The following CCNY variants were observed in gnomAD, a reference collection of about 807,000 sequenced individuals.
The protein encoded by CCNY is cyclin-Y.
A neutral mutation model predicts 42.8 loss-of-function variants in CCNY; 19 were observed. The observed-to-expected ratio is 0.44, with a 90% CI of 0.31 to 0.65. The LOEUF is 0.65. Among genes scored for constraint, CCNY ranks in the 30% least tolerant of loss-of-function variants. CCNY has a pLI of 0.07. For synonymous variants in CCNY, 165 were observed against 162.7 expected (o/e 1.01, Z -0.11); for missense variants, 370 against 437.3 (o/e 0.85, Z 1.37).
At chr10:35,557,741 G>A (rs1340859996) in intron 8 of CCNY, among the ~76,000 whole-genome samples, 6 of 152,150 alleles carry the variant, frequency 3.9e-5, no homozygotes, top group Admixed American at 3.9e-4. Flanking sequence ...TAGCAACAGA[G>A]CAAGACTCCA....
intron 7 of CCNY, among the ~76,000 whole-genome samples, chr10:35,535,736 G>A (rs1840873395): frequency 6.6e-6 from 1 of 152,094 alleles, no homozygotes. Flanking sequence ...AATTTACCTA[G>A]CGTTTACATT....
chr10:35,343,874 G>A (rs188803601), intron 1 of CCNY, among the ~76,000 whole-genome samples: 2 of 152,298 alleles, frequency 1.3e-5, no homozygotes, highest in East Asian at 3.9e-4. Context: ...GATTGACTTT[G>A]AGGAAACAGT....
intron 4 of CCNY, among the ~76,000 whole-genome samples, chr10:35,525,308 C>G (rs1328555390): frequency 6.6e-6 from 1 of 151,966 alleles, no homozygotes; most frequent in Admixed American, 6.6e-5. Flanking sequence ...TAAATATGTT[C>G]TCCAAAATTT....
intron 1 of CCNY, among the ~76,000 whole-genome samples, chr10:35,459,337 G>C (rs1267064025): frequency 1.3e-5 from 2 of 152,208 alleles, no homozygotes; most frequent in African/African-American, 4.8e-5. Context: ...ATGTGGCCCA[G>C]GAGTGCAGCC....
At chr10:35,535,031 G>GTGTGTGTATGTA (rs1161522057) in intron 7 of CCNY, among the ~76,000 whole-genome samples, 1 of 139,972 alleles carries the variant, frequency 7.1e-6, no homozygotes, top group Non-Finnish European at 1.6e-5. Flanking sequence ...GTGTGTGTGT[G>GTGTGTGTATGTA]TATGTATATA....
Position 35,387,784 on chromosome 10 carries a change from T to C in CCNY, c.154+50577T>C, listed in dbSNP as rs924141933. On this transcript the variant is annotated intron_variant, in intron 1 of 9. Transcript: ENST00000374704. Reference sequence around the variant, plus strand: ...TAGAATTAAGCATCTTCTTCCTGAGTGAACTCACTGCCAAGATCCACGTAA... The same window carrying C: ...TAGAATTAAGCATCTTCTTCCTGAGCGAACTCACTGCCAAGATCCACGTAA... 6.6e-5 allele frequency among the ~76,000 whole-genome samples: 10 copies of C among 152,204 alleles called. No homozygotes were observed. The East Asian group carries it at 1.9e-3, about 29-fold the overall frequency.
At chr10:35,327,513 A>G (rs1835893653) in intron 3 of CCNY, among the ~76,000 whole-genome samples, 1 of 152,224 alleles carries the variant, frequency 6.6e-6, no homozygotes, top group South Asian at 2.1e-4. Flanking sequence ...CAAATTTTAA[A>G]AAAATCAGTA....
chr10:35,356,240 A>T (rs1302805983), intron 1 of CCNY, among the ~76,000 whole-genome samples: 2 of 152,180 alleles, frequency 1.3e-5, no homozygotes, highest in Non-Finnish European at 2.9e-5. Flanking sequence ...CCACTTGCAT[A>T]GTTGGGTAGT....
At chr10:35,448,874 A>G (rs1453150359) in intron 1 of CCNY, among the ~76,000 whole-genome samples, 1 of 152,116 alleles carries the variant, frequency 6.6e-6, no homozygotes, top group Admixed American at 6.5e-5. Context: ...TATGGAGAGA[A>G]TGGACAATGG....
chr10:35,383,813 T>G (rs1837244688), intron 1 of CCNY, among the ~76,000 whole-genome samples: 1 of 152,164 alleles, frequency 6.6e-6, no homozygotes, highest in African/African-American at 2.4e-5. Context: ...GGACAGTACT[T>G]TTAGGTAGAA....
intron 1 of CCNY, among the ~76,000 whole-genome samples, chr10:35,431,356 C>T (rs2082015916): frequency 4.1e-5 from 1 of 24,524 alleles, no homozygotes; most frequent in African/African-American, 1.7e-4. Context: ...CACATCTTCC[C>T]CCCCTCCCCC....
intron 3 of CCNY, among the ~76,000 whole-genome samples, chr10:35,504,120 T>A (rs903550548): frequency 3.3e-5 from 5 of 152,216 alleles, no homozygotes; most frequent in South Asian, 2.1e-4. Context: ...AAGAACCCAC[T>A]TAGTACATGT....
chr10:35,466,805 C>T (rs1034931834), intron 1 of CCNY, among the ~76,000 whole-genome samples: 1 of 152,192 alleles, frequency 6.6e-6, no homozygotes, highest in Non-Finnish European at 1.5e-5. Flanking sequence ...CAGGGTCTCG[C>T]TCTGTCACCC....
At chr10:35,517,916 G>A (rs1840463274) in intron 4 of CCNY, among the ~76,000 whole-genome samples, 2 of 152,174 alleles carry the variant, frequency 1.3e-5, no homozygotes, top group Admixed American at 6.5e-5. Flanking sequence ...TAGGACTCGC[G>A]GAGAGAAGTG....
At chr10:35,414,344 T>C (rs1837978684) in intron 1 of CCNY, among the ~76,000 whole-genome samples, 1 of 152,252 alleles carries the variant, frequency 6.6e-6, no homozygotes, top group Admixed American at 6.5e-5. Flanking sequence ...GTTATGAGAC[T>C]GAGGGCCACA....
chr10:35,532,872 G>T (rs1840798376), intron 7 of CCNY, among the ~76,000 whole-genome samples: 2 of 152,220 alleles, frequency 1.3e-5, no homozygotes, highest in Admixed American at 1.3e-4. Context: ...GTCTGAACTG[G>T]GATCTTCTGT....
At chr10:35,507,285 ATG>A (rs1293730633) in intron 3 of CCNY, among the ~76,000 whole-genome samples, 2 of 152,140 alleles carry the variant, frequency 1.3e-5, no homozygotes, top group Non-Finnish European at 2.9e-5. Context: ...GTGTATATAT[ATG>A]TGTGTGTACA....
In CCNY at chr10:35,570,300, T is replaced by G. The variant is rs763711963; in HGVS notation, c.*1130T>G. The G allele has an allele frequency of 2.4e-4, 36 of 152,366 alleles. No homozygotes were observed. Among genetic ancestry groups the G allele is most frequent in the Non-Finnish European group, 4.0e-4 (27 of 68,038 alleles). 9.4% of individuals were successfully genotyped at this position (152,366 alleles called of 1,614,324 possible). The stretch of plus-strand genomic sequence containing the variant: ...TGAAGGGAAAAATGTTACTATTTAC[T>G]GAGGTATTTTTCACAGAATGATTGA... On this transcript the variant is annotated 3_prime_UTR_variant, in exon 10 of 10. Transcript: ENST00000374704.
intron 1 of CCNY, among the ~76,000 whole-genome samples, chr10:35,429,867 C>T (rs1354939499): frequency 6.6e-6 from 1 of 152,040 alleles, no homozygotes; most frequent in Non-Finnish European, 1.5e-5. Flanking sequence ...TGAAATAATC[C>T]TTGATTATTC....
Sources: allele counts gnomAD v4.1 joint callset (sites outside exome capture counted in the v4.1 genomes callset), GRCh38; gene constraint gnomAD v4.1.1; transcripts MANE v1.5; gene names NCBI Gene and HGNC (gene_info 2026-07-23, HGNC 2026-07-21).